Variants in SUPT6H observed in about 807,000 individuals in gnomAD.
The protein encoded by SUPT6H is SPT6 homolog, histone chaperone and transcription elongation factor.
Under a neutral mutation model 222.3 loss-of-function variants are expected in SUPT6H, and 11 were observed. The ratio of observed to expected loss-of-function variants is 0.05; its 90% CI spans 0.03 to 0.08. The LOEUF (loss-of-function observed/expected upper bound fraction) is 0.08. Among genes scored for constraint, SUPT6H ranks in the 10% least tolerant of loss-of-function variants. The pLI is 1.00. For synonymous variants in SUPT6H, 762 were observed against 801.2 expected (o/e 0.95, Z 0.83); for missense variants, 1,422 against 2,216.0 (o/e 0.64, Z 7.19).
intron 29 of SUPT6H, 107 bp downstream of exon 29, chr17:28,695,654 G>GA: frequency 1.5e-6 from 2 of 1,327,736 alleles, no homozygotes; most frequent in Non-Finnish European, 2.1e-6. Context: ...GTGGAAGTGG[G>GA]GACTCAGCTT....
chr17:28,677,889 C>G (rs190287410), intron 8 of SUPT6H, 73 bp downstream of exon 8: 110 of 1,430,164 alleles, frequency 7.7e-5, no homozygotes, highest in Middle Eastern at 3.5e-4. Context: ...CTCTTCCTCC[C>G]CTATTTCATA....
At chr17:28,666,987 G>C (rs1458588555) in intron 1 of SUPT6H, among the ~76,000 whole-genome samples, 3 of 151,978 alleles carry the variant, frequency 2.0e-5, no homozygotes, top group Non-Finnish European at 2.9e-5. Flanking sequence ...AAGGACTTAA[G>C]TAGACTCTAA....
Position 28,686,934 on chromosome 17 carries a change from G to A in SUPT6H, c.2700+145G>A, listed in dbSNP as rs569493228. On this transcript the variant is annotated intron_variant, in intron 21 of 36. Coordinates refer to ENST00000314616, the MANE Select transcript of SUPT6H (RefSeq NM_003170.5). ...CAGAAGTTCTCCGTTTTGCAGTTAC[G>A]GTTCAGATTGGGAGTCCCAGAAATT... 2.1e-4 allele frequency: 310 copies of A among 1,471,968 alleles called. 2 individuals are homozygous for A. The South Asian group carries it at 3.6e-3, about 17-fold the overall frequency. The allele number at this position is 1,471,968 out of a possible 1,614,324, so 91.2% of individuals were successfully genotyped here. A position where few individuals can be genotyped will look rare whatever the true frequency, so the allele number is the denominator to read the frequency against.
intron 35 of SUPT6H, 139 bp downstream of exon 35, chr17:28,700,651 C>A: frequency 1.6e-6 from 2 of 1,223,048 alleles, no homozygotes; most frequent in South Asian, 1.5e-5. Context: ...ATTTCTTGTC[C>A]TTAGGCCCAT....
At position 28,684,608 on chromosome 17, in the gene SUPT6H, A is replaced by G. The variant is rs150985607; in HGVS notation, c.2252A>G (p.Asn751Ser). The change falls in exon 18 of 37, where the codon AAT becomes AGT. Residue 751 changes from asparagine to serine, a missense_variant. Coordinates refer to ENST00000314616, the MANE Select transcript of SUPT6H (RefSeq NM_003170.5). Reference protein sequence around the residue: ...VIKACSRKLYNWLRVAPYRPD... With the variant: ...VIKACSRKLYSWLRVAPYRPD... ...CAGGCCTGTAGTCGAAAGCTCTACA[A>G]TTGGTTGAGAGTGGCACCCTACCGA... 1.2e-6 allele frequency: 2 copies of G among 1,614,082 alleles called. No homozygotes were observed. The highest frequency in any genetic ancestry group is 1.7e-6 in the Non-Finnish European group (2 of 1,180,020).
Position 28,687,360 on chromosome 17 carries a change from A to T in SUPT6H, c.2895A>T (p.Arg965=). 6.2e-7 allele frequency: 1 copy of T among 1,614,148 alleles called. No homozygotes were observed. The highest frequency in any genetic ancestry group is 8.5e-7 in the Non-Finnish European group (1 of 1,180,024). ...CCTTGTACTGTGAATTTATCAACCGAGTCAATGAGGTCGGGGTCGATGTCA... is the reference window on the plus strand; with the variant it reads ...CCTTGTACTGTGAATTTATCAACCGTGTCAATGAGGTCGGGGTCGATGTCA... ...LNALYCEFIN[R]VNEVGVDVNR... Residue 965 remains arginine, a synonymous_variant, in exon 23 of 37, where the codon CGA becomes CGT. Transcript: ENST00000314616.
rs759408488 is a variant in SUPT6H, at chr17:28,678,624, G to C, written c.1196G>C (p.Trp399Ser). The C allele has an allele frequency of 8.1e-6, 13 of 1,614,028 alleles. No homozygotes were observed. Among genetic ancestry groups the C allele is most frequent in the African/African-American group, 1.3e-5 (1 of 74,912 alleles). ...HINDLWRVWQ[W>S]DEKWTQLRIR... Reference sequence around the variant, plus strand: ...AATGACCTATGGAGAGTCTGGCAGTGGGATGAAAAGGTAATGTAGATCCGT... The same window carrying C: ...AATGACCTATGGAGAGTCTGGCAGTCGGATGAAAAGGTAATGTAGATCCGT... Residue 399 changes from tryptophan to serine, a missense_variant, in exon 10 of 37, where the codon TGG becomes TCG. Around this residue, in one of 13 missense-constraint regions of SUPT6H, gnomAD observed 389 missense variants for 544.6 expected, o/e 0.71. Transcript: ENST00000314616.
chr17:28,684,543 A>C (rs1473195566), intron 17 of SUPT6H, 43 bp from the exon 18 acceptor site: 1 of 1,611,002 alleles, frequency 6.2e-7, no homozygotes, highest in Non-Finnish European at 8.5e-7. Context: ...TGATGACCAT[A>C]ATGTCATCAT....
chr17:28,667,403 GTGTATATATA>G (rs371873474), intron 1 of SUPT6H, among the ~76,000 whole-genome samples: 4,398 of 42,366 alleles, frequency 0.1, 598 homozygotes, highest in African/African-American at 0.27. Context: ...AAGTGTGTGT[GTGTATATATA>G]TATATATATA....
chr17:28,663,354 G>A (rs1273425797), intron 1 of SUPT6H, among the ~76,000 whole-genome samples: 1 of 152,114 alleles, frequency 6.6e-6, no homozygotes, highest in Non-Finnish European at 1.5e-5. Context: ...CTTGGCTTGT[G>A]TGGCTGCTAG....
intron 1 of SUPT6H, among the ~76,000 whole-genome samples, chr17:28,667,370 CA>C (rs546020183): frequency 0.022 from 137 of 6,196 alleles, 1 homozygote; most frequent in African/African-American, 0.046. Flanking sequence ...GACTCCGTCT[CA>C]AAAAAAAAAA....
chr17:28,681,963 G>A lies in SUPT6H; in HGVS notation c.1580G>A (p.Cys527Tyr). The A allele has an allele frequency of 6.2e-7, 1 of 1,606,078 alleles. No individual in the cohort carries two copies. The highest frequency in any genetic ancestry group is 8.5e-7 in the Non-Finnish European group (1 of 1,177,394). ...TCTCGCCGAGACATGTACACCATCT[G>A]CCAGAGTGCTGGGCTAGGTAAAAGC... The part of the protein sequence containing the change: ...QASRRDMYTI[C>Y]QSAGLDGLAK... Residue 527 changes from cysteine to tyrosine, a missense_variant, in exon 13 of 37, where the codon TGC becomes TAC. Cys to Tyr is a radical substitution (Grantham distance 194). Around this residue, in one of 13 missense-constraint regions of SUPT6H, gnomAD observed 389 missense variants for 544.6 expected, o/e 0.71. Transcript: ENST00000314616.
Position 28,693,698 on chromosome 17 carries a change from G to A in SUPT6H, c.3636G>A (p.Val1212=), listed in dbSNP as rs924380552. Residue 1212 remains valine (V), a splice_region_variant and synonymous_variant, in exon 28 of 37, where the codon GTG becomes GTA. Coordinates refer to ENST00000314616, the MANE Select transcript of SUPT6H (RefSeq NM_003170.5). ...QQDNFPELSE[V]WNHFDSGSCP... ...TCTTCTCCTCATGCCCTCTTCAGGT[G>A]TGGAACCACTTTGACAGCGGTTCGT... 6.2e-6 allele frequency: 10 copies of A among 1,614,106 alleles called. No homozygotes were observed. The highest frequency in any genetic ancestry group is 4.0e-5 in the African/African-American group (3 of 74,942).
chr17:28,680,882 C>T (rs1276561268), intron 11 of SUPT6H, among the ~76,000 whole-genome samples: 1 of 152,130 alleles, frequency 6.6e-6, no homozygotes, highest in African/African-American at 2.4e-5. Flanking sequence ...CTCCTGACGT[C>T]GCGATCCCTC....
intron 11 of SUPT6H, among the ~76,000 whole-genome samples, chr17:28,679,372 C>CAA (rs1375111275): frequency 1.7e-3 from 233 of 139,100 alleles, no homozygotes; most frequent in African/African-American, 5.9e-3. Flanking sequence ...GACTTCGTCT[C>CAA]AAAAAAAAAA....
At chr17:28,679,108 A>T in intron 11 of SUPT6H, 145 bp downstream of exon 11, 3 of 1,078,176 alleles carry the variant, frequency 2.8e-6, no homozygotes, top group Non-Finnish European at 3.9e-6. Flanking sequence ...ACAGTGGCTC[A>T]TGCCTGTAAT....
intron 20 of SUPT6H, 87 bp downstream of exon 20, chr17:28,686,502 G>T (rs2031386882): frequency 6.4e-7 from 1 of 1,550,518 alleles, no homozygotes; most frequent in Admixed American, 1.8e-5. Context: ...CATAACAGAT[G>T]GGGCTTGTGC....
chr17:28,677,012 T>A (rs188631974), intron 7 of SUPT6H, among the ~76,000 whole-genome samples: 1 of 152,158 alleles, frequency 6.6e-6, no homozygotes, highest in African/African-American at 2.4e-5. Flanking sequence ...GTGGATCACC[T>A]GAGGTCAGGA....
intron 27 of SUPT6H, among the ~76,000 whole-genome samples, chr17:28,693,067 G>C (rs1243817799): frequency 1.3e-5 from 2 of 151,920 alleles, no homozygotes; most frequent in African/African-American, 2.4e-5. Context: ...CTACTCGAGA[G>C]GCCAAGGTGG....
Sources: gnomAD v4.1 joint callset for allele counts (sites outside exome capture counted in the v4.1 genomes callset) on GRCh38, gnomAD v4.1.1 for gene constraint, gnomAD v4.1.1 regional missense constraint, MANE v1.5 for transcripts, NCBI Gene and HGNC (gene_info 2026-07-23, HGNC 2026-07-21) for gene names.